The following IL6R variants were observed in gnomAD, a reference collection of about 807,000 sequenced individuals.
IL6R encodes interleukin-6 receptor subunit alpha.
In IL6R, 38 loss-of-function variants were observed where a neutral mutation model predicts 48.3. The observed-to-expected ratio is 0.79, with a 90% CI of 0.61 to 1.03. The LOEUF is 1.03. IL6R is among the 50% of genes least tolerant of loss of function. The pLI is 0.00. For synonymous variants in IL6R, 264 were observed against 256.2 expected, an observed-to-expected ratio of 1.03 and a Z score of -0.29; for missense variants, 534 against 618.3, an observed-to-expected ratio of 0.86 and a Z score of 1.45.
intron 1 of IL6R, among the ~76,000 whole-genome samples, chr1:154,412,287 T>C (rs1688071755): frequency 6.6e-6 from 1 of 151,064 alleles, no homozygotes; most frequent in East Asian, 1.9e-4. Flanking sequence ...AGAGTCTCAC[T>C]GTGTTGCCCA....
Position 154,429,323 on chromosome 1 carries a change from C to A in IL6R, c.213C>A (p.Pro71=). 1 of 1,614,094 alleles carries A rather than the reference C, an allele frequency of 6.2e-7. No individual in the cohort carries two copies. Among genetic ancestry groups the A allele is most frequent in the Non-Finnish European group, 8.5e-7 (1 of 1,180,022 alleles). Residue 71 remains proline (P), a synonymous_variant, in exon 2 of 10, where the codon CCC becomes CCA. Coordinates refer to ENST00000368485, the MANE Select transcript of IL6R (RefSeq NM_000565.4). ...VLRKPAAGSH[P]SRWAGMGRRL... is the part of the protein sequence containing the mutation. ...GGAAGCCGGCTGCAGGCTCCCACCCCAGCAGATGGGCTGGCATGGGAAGGA... is the reference window on the plus strand; with the variant it reads ...GGAAGCCGGCTGCAGGCTCCCACCCAAGCAGATGGGCTGGCATGGGAAGGA...
chr1:154,414,746 C>T, intron 1 of IL6R: 1 of 786,352 alleles, frequency 1.3e-6, no homozygotes, highest in South Asian at 1.4e-5. Flanking sequence ...TTGGTGTAGA[C>T]ATTGGTCTGG....
chr1:154,465,271 C>T lies in IL6R; in HGVS notation c.1298C>T (p.Ser433Phe), dbSNP rs1691499049. Residue 433 changes from serine (S) to phenylalanine (F), a missense_variant, in exon 10 of 10, where the codon TCC becomes TTC. By Grantham distance (155) the Ser-to-Phe change is radical (BLOSUM62 -2). Transcript: ENST00000368485. ...GTTCCTCTCATCTCCCCACCGGTGT[C>T]CCCCAGCAGCCTGGGGTCTGACAAT... ...VLVPLISPPV[S>F]PSSLGSDNTS... The T allele has an allele frequency of 2.5e-6, 4 of 1,614,158 alleles. No individual in the cohort carries two copies. Among genetic ancestry groups the T allele is most frequent in the East Asian group, 2.2e-5 (1 of 44,874 alleles).
intron 1 of IL6R, among the ~76,000 whole-genome samples, chr1:154,418,887 C>A (rs1426625268): frequency 6.6e-6 from 1 of 152,092 alleles, no homozygotes; most frequent in Non-Finnish European, 1.5e-5. Context: ...GCGCTGACCC[C>A]CCCTTGTGCA....
chr1:154,460,146 T>C (rs4308966), intron 9 of IL6R, among the ~76,000 whole-genome samples: 32,670 of 152,130 alleles, frequency 0.21, 4,233 homozygotes, highest in African/African-American at 0.37. Flanking sequence ...TTTCTTTAAA[T>C]GAAACTTTTT....
intron 1 of IL6R, chr1:154,414,595 C>T: frequency 1.3e-6 from 1 of 756,084 alleles, no homozygotes; most frequent in Non-Finnish European, 2.3e-6. Flanking sequence ...TTTCTTGATG[C>T]ACCCGGCCAT....
At chr1:154,408,322 G>C (rs1687846359) in intron 1 of IL6R, among the ~76,000 whole-genome samples, 2 of 152,178 alleles carry the variant, frequency 1.3e-5, no homozygotes, top group South Asian at 4.1e-4. Flanking sequence ...TTGGCTTGCT[G>C]CTTGTTTATT....
rs1691622304 is a variant in IL6R at position 154,467,690 on chromosome 1, CAG to C, written c.*2311_*2312del. The C allele has an allele frequency of 6.6e-6, 1 of 152,076 alleles. No homozygotes were observed. The highest frequency in any genetic ancestry group is 1.5e-5 in the Non-Finnish European group (1 of 68,066). The allele number at this position is 152,076 out of a possible 1,614,324, so 9.4% of individuals were successfully genotyped here. A position where few individuals can be genotyped will look rare whatever the true frequency, so the allele number is the denominator to read the frequency against. Reference sequence around the variant, plus strand: ...CCAAGGTGGGAGGATTGCTTGAGCTCAGGAGTTTGAGACCAACCTGGGTAACA... The same window carrying C: ...CCAAGGTGGGAGGATTGCTTGAGCTCGAGTTTGAGACCAACCTGGGTAACA... On this transcript the variant is annotated 3_prime_UTR_variant, in exon 10 of 10. Transcript: ENST00000368485.
rs1691565186 is a variant in IL6R, at chr1:154,466,713, TAG to T, written c.*1336_*1337del. Reference sequence around the variant, plus strand: ...AAGCATAAAAATTAGCCAAGTGTGGTAGAGTGTGCCTGAAGTCCCAGATACTT... The same window carrying T: ...AAGCATAAAAATTAGCCAAGTGTGGTAGTGTGCCTGAAGTCCCAGATACTT... On this transcript the variant is annotated 3_prime_UTR_variant, in exon 10 of 10. Transcript: ENST00000368485. 1.9e-5 allele frequency: 3 copies of T among 161,118 alleles called. No homozygotes were observed. The South Asian group carries it at 6.1e-4, about 33-fold the overall frequency. The allele number at this position is 161,118 out of a possible 1,614,324, so 10.0% of individuals were successfully genotyped here. A position where few individuals can be genotyped will look rare whatever the true frequency, so the allele number is the denominator to read the frequency against.
At chr1:154,435,880 G>A in intron 5 of IL6R, 89 bp from the exon 6 acceptor site, 7 of 1,187,478 alleles carry the variant, frequency 5.9e-6, no homozygotes, top group Non-Finnish European at 7.0e-6. Flanking sequence ...CTGAAGCACA[G>A]GGCTGGCCAA....
chr1:154,447,504 T>TGTACACACATACATATATATACACATAC (rs1690316996), intron 6 of IL6R, among the ~76,000 whole-genome samples: 1 of 87,396 alleles, frequency 1.1e-5, no homozygotes, highest in African/African-American at 5.7e-5. Context: ...CACACACACA[T>TGTACACACATACATATATATACACATAC]ATATATATAC....
At chr1:154,456,003 G>A (rs138729568) in intron 9 of IL6R, among the ~76,000 whole-genome samples, 4,499 of 151,862 alleles carry the variant, frequency 0.03, 221 homozygotes, top group African/African-American at 0.1. Context: ...GTTGCAGTGA[G>A]CCAAGATTGC....
At chr1:154,460,672 A>G (rs931229220) in intron 9 of IL6R, among the ~76,000 whole-genome samples, 1 of 152,204 alleles carries the variant, frequency 6.6e-6, no homozygotes, top group Non-Finnish European at 1.5e-5. Flanking sequence ...AGCGCCATGA[A>G]GTGTACACAC....
chr1:154,443,372 C>G (rs186110340), intron 6 of IL6R, among the ~76,000 whole-genome samples: 2,167 of 152,248 alleles, frequency 0.014, 20 homozygotes, highest in Middle Eastern at 0.027. Flanking sequence ...GGTTAAAGAG[C>G]CTTGGTTACA....
Position 154,434,980 on chromosome 1 carries a change from T to G in IL6R, c.641-10T>G. The stretch of plus-strand genomic sequence containing the variant: ...GTGCTGCAAAGGAGTCATGCTCACT[T>G]TTCCCACAGTGCAGCCTGATCCGCC... On this transcript the variant is annotated splice_polypyrimidine_tract_variant and intron_variant, in intron 4 of 9. Coordinates refer to ENST00000368485, the MANE Select transcript of IL6R (RefSeq NM_000565.4). The G allele has an allele frequency of 6.2e-7, 1 of 1,613,592 alleles. No homozygotes were observed. The highest frequency in any genetic ancestry group is 1.7e-5 in the Admixed American group (1 of 59,984).
chr1:154,414,746 C>G, intron 1 of IL6R: 1 of 786,354 alleles, frequency 1.3e-6, no homozygotes, highest in Non-Finnish European at 2.3e-6. Context: ...TTGGTGTAGA[C>G]ATTGGTCTGG....
chr1:154,444,094 G>A (rs960408934), intron 6 of IL6R, among the ~76,000 whole-genome samples: 13 of 151,828 alleles, frequency 8.6e-5, no homozygotes, highest in Non-Finnish European at 1.0e-4. Flanking sequence ...CCTCATCCTC[G>A]CATTGCCTAT....
intron 6 of IL6R, among the ~76,000 whole-genome samples, chr1:154,446,052 C>T (rs560932445): frequency 6.2e-4 from 94 of 152,060 alleles, no homozygotes; most frequent in Non-Finnish European, 4.9e-4. Context: ...GGTGTGAGTC[C>T]GGCCTGCCCC....
At position 154,405,699 on chromosome 1, in the gene IL6R, C is replaced by T. The variant is rs1398752017; in HGVS notation, c.70C>T (p.Arg24Cys). Reference protein sequence around the residue: ...AAPGAALAPRRCPAQEVARGV... With the variant: ...AAPGAALAPRCCPAQEVARGV... Reference sequence around the variant, plus strand: ...GCCGGGAGCGGCGCTGGCCCCAAGGCGCTGCCCTGCGCAGGGTAAGGGCTT... The same window carrying T: ...GCCGGGAGCGGCGCTGGCCCCAAGGTGCTGCCCTGCGCAGGGTAAGGGCTT... The change falls in exon 1 of 10, where the codon CGC (arginine) becomes TGC (cysteine). Residue 24 changes from arginine (R) to cysteine (C), a missense_variant. Coordinates refer to ENST00000368485, the MANE Select transcript of IL6R (RefSeq NM_000565.4). The surrounding 1 kb of genome is among the most constrained non-coding windows in gnomAD (Gnocchi z 5.2). The T allele has an allele frequency of 1.3e-6, 2 of 1,518,542 alleles. No individual in the cohort carries two copies. Among genetic ancestry groups the T allele is most frequent in the Non-Finnish European group, 1.8e-6 (2 of 1,140,438 alleles). The allele number at this position is 1,518,542 out of a possible 1,614,324, so 94.1% of individuals were successfully genotyped here.
Sources: allele counts gnomAD v4.1 joint callset (sites outside exome capture counted in the v4.1 genomes callset), GRCh38; gene constraint gnomAD v4.1.1; non-coding constraint Gnocchi (gnomAD v3.1); transcripts MANE v1.5; gene names NCBI Gene and HGNC (gene_info 2026-07-23, HGNC 2026-07-21).